ACACB: variants seen among roughly 807,000 people sequenced by gnomAD.
The protein encoded by ACACB is acetyl-CoA carboxylase 2.
In ACACB, 209 loss-of-function variants were observed where a neutral mutation model predicts 278.8. The observed-to-expected ratio is 0.75, with a 90% CI of 0.67 to 0.84. ACACB has a LOEUF of 0.84. Ranked by LOEUF, ACACB falls within the 40% of genes least tolerant of loss-of-function variation. The pLI, the probability that ACACB is intolerant of heterozygous loss-of-function variation, is 0.00. For synonymous variants in ACACB, 1,174 were observed against 1,285.6 expected (o/e 0.91, Z 1.86); for missense variants, 2,850 against 3,269.0 (o/e 0.87, Z 3.13).
intron 3 of ACACB, 78 bp downstream of exon 3, chr12:109,167,071 T>G: frequency 6.3e-7 from 1 of 1,593,348 alleles, no homozygotes; most frequent in Non-Finnish European, 8.6e-7. Context: ...AGGTGGGAGA[T>G]TCGGGTTCAG....
At position 109,199,382 on chromosome 12, in the gene ACACB, C is replaced by T. The variant is rs766723564; in HGVS notation, c.2628-20C>T. ...GGTAGTCCTCATCAGTCTCCCTACC[C>T]GACTCCTCCTCTCTCCCAGTTACCG... On this transcript the variant is annotated intron_variant, in intron 17 of 52. Transcript: ENST00000338432. 4 of 1,458,676 alleles carry T rather than the reference C, an allele frequency of 2.7e-6. No individual in the cohort carries two copies. The highest frequency in any genetic ancestry group is 1.8e-6 in the Non-Finnish European group (2 of 1,098,764). 90.4% of individuals were successfully genotyped at this position (1,458,676 alleles called of 1,614,324 possible).
chr12:109,239,031 G>A (rs764153297), intron 34 of ACACB, among the ~76,000 whole-genome samples: 3 of 151,480 alleles, frequency 2.0e-5, no homozygotes, highest in Non-Finnish European at 2.9e-5. Flanking sequence ...ATTCTCCTGC[G>A]TCAGCTTCCT....
chr12:109,188,119 G>A lies in ACACB; in HGVS notation c.2101G>A (p.Gly701Arg), dbSNP rs773907696. 58 of 1,611,874 alleles carry A rather than the reference G, an allele frequency of 3.6e-5. No homozygotes were observed. Among genetic ancestry groups the A allele is most frequent in the Non-Finnish European group, 4.6e-5 (54 of 1,178,348 alleles). Residue 701 changes from glycine (G) to arginine (R), a missense_variant, in exon 13 of 53, where the codon GGG (glycine) becomes AGG (arginine). Physicochemically the swap from Gly to Arg is moderately radical, Grantham distance 125 (BLOSUM62 -2). Coordinates refer to ENST00000338432, the MANE Select transcript of ACACB (RefSeq NM_001093.4). ...GLHEFADSQFGHCFSWGENRE... is the reference protein window; with the variant it reads ...GLHEFADSQFRHCFSWGENRE... ...GCACGAGTTTGCGGATTCCCAATTT[G>A]GGCACTGCTTCTCCTGGGGAGAGAA... is the stretch of plus-strand genomic sequence containing the variant.
At chr12:109,128,630 C>T (rs1342472917) in intron 1 of ACACB, among the ~76,000 whole-genome samples, 1 of 152,116 alleles carries the variant, frequency 6.6e-6, no homozygotes, top group Non-Finnish European at 1.5e-5. Context: ...TGAGCCACTG[C>T]ACCCAGTCAG....
At chr12:109,222,735 C>G (rs561861839) in intron 25 of ACACB, 64 bp from the exon 26 acceptor site, 1 of 1,550,964 alleles carries the variant, frequency 6.4e-7, no homozygotes, top group Non-Finnish European at 8.9e-7. Context: ...GGCCCGTGCC[C>G]GAGCCTCTGC....
rs748787208 is a variant in ACACB at position 109,174,133 on chromosome 12, C to A, written c.1119C>A (p.Gly373=). The A allele has an allele frequency of 6.2e-7, 1 of 1,609,974 alleles. No individual in the cohort carries two copies. Among genetic ancestry groups the A allele is most frequent in the South Asian group, 1.1e-5 (1 of 90,000 alleles). ...CCCTTCTTGTCCCCGATTCCTCAGG[C>A]CCTCCCAGTGAGGCCATGTGGGCCT... ...LLCKNGVAFL[G]PPSEAMWALG... The change falls in exon 7 of 53, where the codon GGC becomes GGA. Residue 373 remains glycine, a splice_region_variant and synonymous_variant. Transcript: ENST00000338432.
intron 1 of ACACB, among the ~76,000 whole-genome samples, 175 bp downstream of exon 1, chr12:109,116,879 C>A (rs893299074): frequency 6.6e-6 from 1 of 152,086 alleles, no homozygotes; most frequent in Admixed American, 6.6e-5. Context: ...CGAAATGTAA[C>A]GCAGATGAAA....
At chr12:109,177,326 A>G (rs1005667889) in intron 9 of ACACB, among the ~76,000 whole-genome samples, 2 of 152,196 alleles carry the variant, frequency 1.3e-5, no homozygotes, top group African/African-American at 2.4e-5. Context: ...GTATAATGTG[A>G]TATTTAGTAC....
Position 109,216,628 on chromosome 12 carries a change from G to A in ACACB, c.3361G>A (p.Gly1121Arg), listed in dbSNP as rs765703397. 23 of 1,614,030 alleles carry A rather than the reference G, an allele frequency of 1.4e-5. 1 individual carries two copies. Among genetic ancestry groups the A allele is most frequent in the South Asian group, 6.6e-5 (6 of 91,076 alleles). ...TTCCCTTCTCCCCAGATACCGCAGC[G>A]GGATCCGCGGCTATATGAAAACAGT... Reference protein sequence around the residue: ...IVQLVQRYRSGIRGYMKTVVL... With the variant: ...IVQLVQRYRSRIRGYMKTVVL... The change falls in exon 23 of 53, where the codon GGG becomes AGG. Residue 1121 changes from glycine (G) to arginine (R), a missense_variant. Physicochemically the swap from Gly to Arg is moderately radical, Grantham distance 125. Transcript: ENST00000338432.
chr12:109,125,520 C>CAG (rs1327675425), intron 1 of ACACB: 2 of 152,174 alleles, frequency 1.3e-5, no homozygotes. Context: ...AAGACCAGGC[C>CAG]AGAGAGACAG....
upstream of ACACB, among the ~76,000 whole-genome samples, chr12:109,114,773 G>A (rs2042371635): frequency 6.6e-6 from 1 of 151,846 alleles, no homozygotes. Flanking sequence ...GATCATTTGA[G>A]CCCAGGAGTT....
intron 2 of ACACB, among the ~76,000 whole-genome samples, chr12:109,151,079 G>A (rs867356837): frequency 1.6e-4 from 24 of 149,962 alleles, no homozygotes; most frequent in Middle Eastern, 6.8e-3. Context: ...CCCGGGTCCC[G>A]GTTCAAGCAA....
intron 20 of ACACB, among the ~76,000 whole-genome samples, chr12:109,207,943 G>A (rs1248699693): frequency 2.0e-5 from 3 of 152,078 alleles, no homozygotes; most frequent in Admixed American, 6.5e-5. Flanking sequence ...GCCTCCCAAA[G>A]TACTGGGATT....
At chr12:109,153,153 T>G (rs1009313648) in intron 2 of ACACB, among the ~76,000 whole-genome samples, 10 of 151,696 alleles carry the variant, frequency 6.6e-5, no homozygotes, top group Non-Finnish European at 4.4e-5. Context: ...CACACCCAGC[T>G]AATTTTTGTA....
rs777972630 is a variant in ACACB at position 109,171,873 on chromosome 12, G to A, written c.994G>A (p.Val332Met). The A allele has an allele frequency of 1.7e-5, 28 of 1,614,038 alleles. No homozygotes were observed. Among genetic ancestry groups the A allele is most frequent in the Middle Eastern group, 1.6e-4 (1 of 6,084 alleles). Residue 332 changes from valine (V) to methionine (M), a missense_variant, in exon 5 of 53, where the codon GTG becomes ATG. Around this residue, in one of 3 missense-constraint regions of ACACB, gnomAD observed 2,265 missense variants for 2,561.3 expected, o/e 0.88. Coordinates refer to ENST00000338432, the MANE Select transcript of ACACB (RefSeq NM_001093.4). ...GGPNNNNYANVELIVDIAKRI... is the reference protein window; with the variant it reads ...GGPNNNNYANMELIVDIAKRI... ...GCCCAATAACAACAACTATGCCAAC[G>A]TGGAGCTGATTGTGGACATTGCCAA...
chr12:109,172,133 G>T, intron 5 of ACACB, 142 bp from the exon 6 acceptor site: 2 of 854,948 alleles, frequency 2.3e-6, no homozygotes, highest in Non-Finnish European at 3.8e-6. Context: ...TGTTGGCCAG[G>T]CTGGTCTCGA....
chr12:109,141,904 C>T (rs1354740274), intron 2 of ACACB, among the ~76,000 whole-genome samples: 1 of 152,042 alleles, frequency 6.6e-6, no homozygotes, highest in Non-Finnish European at 1.5e-5. Context: ...TGGGCATGAC[C>T]CTTCACCTCT....
intron 40 of ACACB, 29 bp from the exon 41 acceptor site, chr12:109,249,955 C>T (rs562269288): frequency 1.9e-6 from 3 of 1,593,332 alleles, no homozygotes; most frequent in African/African-American, 2.7e-5. Context: ...GGCTAGAGCC[C>T]AGCCTTTAAC....
intron 34 of ACACB, 133 bp from the exon 35 acceptor site, chr12:109,239,697 C>T: frequency 9.2e-7 from 1 of 1,085,854 alleles, no homozygotes. Flanking sequence ...CTCTGCTGTT[C>T]TTGCCTGGCA....
Sources: allele counts gnomAD v4.1 joint callset (sites outside exome capture counted in the v4.1 genomes callset), GRCh38; gene constraint gnomAD v4.1.1; regional missense constraint gnomAD v4.1.1; transcripts MANE v1.5; gene names NCBI Gene and HGNC (gene_info 2026-07-23, HGNC 2026-07-21).